Variants in TRMU observed in about 807,000 individuals in gnomAD.
The protein encoded by TRMU is tRNA mitochondrial 2-thiouridylase.
In TRMU, 49 loss-of-function variants were observed where a neutral mutation model predicts 46.9. The observed-to-expected ratio is 1.05, with a 90% CI of 0.83 to 1.33. TRMU has a LOEUF of 1.33. Ranked by LOEUF, TRMU falls within the 40% of genes most tolerant of loss-of-function variation. TRMU has a pLI of 0.00. For synonymous variants in TRMU, 241 were observed against 200.9 expected (o/e 1.20, Z -1.69); for missense variants, 572 against 532.4 (o/e 1.07, Z -0.73).
In TRMU at chr22:46,339,735, A is replaced by G. The variant is rs9626854; in HGVS notation, c.248+1791A>G. Reference sequence around the variant, plus strand: ...TTGACTATGGTCACCTAAATAATCAACGGAAGAGCTTGAATATGAACCCTC... The same window carrying G: ...TTGACTATGGTCACCTAAATAATCAGCGGAAGAGCTTGAATATGAACCCTC... On this transcript the variant is annotated intron_variant, in intron 2 of 10. Transcript: ENST00000645190. The surrounding 1 kb of genome is among the most constrained non-coding windows in gnomAD (Gnocchi z 4.8). Among the ~76,000 whole-genome samples, 1 of 152,216 alleles carries G rather than the reference A, an allele frequency of 6.6e-6. No individual in the cohort carries two copies. The highest frequency in any genetic ancestry group is 6.5e-5 in the Admixed American group (1 of 15,286).
At chr22:46,346,177 A>G (rs538216761) in intron 3 of TRMU, among the ~76,000 whole-genome samples, 3 of 151,928 alleles carry the variant, frequency 2.0e-5, no homozygotes, top group Admixed American at 6.5e-5. Flanking sequence ...AAAGGCTCTT[A>G]AAGGTGCAAT....
rs141335708 is a variant in TRMU, at chr22:46,351,123, G to A, written c.651+660G>A. ...TCAAAAGAAGTCACATGGAACCTGA[G>A]ACCTGAAGGAGGAGAGGATCCGGTG... On this transcript the variant is annotated intron_variant, in intron 5 of 10. Transcript: ENST00000645190. The surrounding 1 kb of genome is among the most constrained non-coding windows in gnomAD (Gnocchi z 6.4). 1.7e-3 allele frequency among the ~76,000 whole-genome samples: 258 copies of A among 152,332 alleles called. No individual in the cohort carries two copies. Among genetic ancestry groups the A allele is most frequent in the African/African-American group, 5.8e-3 (243 of 41,582 alleles).
intron 2 of TRMU, among the ~76,000 whole-genome samples, chr22:46,340,053 G>A (rs112511097): frequency 0.018 from 2,720 of 152,190 alleles, 92 homozygotes; most frequent in African/African-American, 0.063. Context: ...AGGGAGTGTG[G>A]GAGTGGAAGG....
At position 46,349,942 on chromosome 22, in the gene TRMU, A is replaced by C. The variant is rs1236584935; in HGVS notation, c.479-349A>C. The stretch of plus-strand genomic sequence containing the variant: ...GGAATTTTCTGCCAGCAACTAGCTT[A>C]CTCCATTTTCCAAGATTTGGCTGAA... On this transcript the variant is annotated intron_variant, in intron 4 of 10. Coordinates refer to ENST00000645190, the MANE Select transcript of TRMU (RefSeq NM_018006.5). The surrounding 1 kb of genome is among the most constrained non-coding windows in gnomAD (Gnocchi z 4.6). Among the ~76,000 whole-genome samples the C allele has an allele frequency of 6.7e-6, 1 of 148,396 alleles. No individual in the cohort carries two copies. Among genetic ancestry groups the C allele is most frequent in the African/African-American group, 2.5e-5 (1 of 40,044 alleles).
chr22:46,337,596 A>G (rs2078011834), intron 1 of TRMU, among the ~76,000 whole-genome samples, 183 bp from the exon 2 acceptor site: 1 of 152,032 alleles, frequency 6.6e-6, no homozygotes. Context: ...AATCTTGGGG[A>G]CTCAGGCACC....
chr22:46,346,272 G>A, intron 3 of TRMU, 150 bp from the exon 4 acceptor site: 1 of 877,406 alleles, frequency 1.1e-6, no homozygotes, highest in Non-Finnish European at 1.7e-6. Context: ...CTGTTCCCTG[G>A]GATCTCTATG....
chr22:46,337,344 C>CA (rs1317163153), intron 1 of TRMU, among the ~76,000 whole-genome samples: 1 of 152,158 alleles, frequency 6.6e-6, no homozygotes, highest in Non-Finnish European at 1.5e-5. Flanking sequence ...ACAGCTCTTA[C>CA]AAAATATCGA....
chr22:46,352,927 G>A (rs1368601742), intron 7 of TRMU: 4 of 192,576 alleles, frequency 2.1e-5, no homozygotes, highest in Admixed American at 1.6e-4. Flanking sequence ...GGATGTGCCT[G>A]CCGGCGTGAT....
chr22:46,355,860 C>G, intron 9 of TRMU, 130 bp from the exon 10 acceptor site: 1 of 1,133,298 alleles, frequency 8.8e-7, no homozygotes, highest in South Asian at 1.3e-5. Flanking sequence ...AGGGCCCAGG[C>G]TGGTGCCCTG....
intron 3 of TRMU, among the ~76,000 whole-genome samples, chr22:46,344,740 T>C (rs1211961552): frequency 6.6e-6 from 1 of 152,230 alleles, no homozygotes; most frequent in Admixed American, 6.5e-5. Flanking sequence ...TGAGAGGACA[T>C]GACGCCCAGA....
In TRMU at chr22:46,355,569, C is replaced by G. The variant is rs531708138; in HGVS notation, c.999C>G (p.Phe333Leu). 6.2e-7 allele frequency: 1 copy of G among 1,613,368 alleles called. No homozygotes were observed. The highest frequency in any genetic ancestry group is 8.5e-7 in the Non-Finnish European group (1 of 1,180,048). The change falls in exon 9 of 11, where the codon TTC becomes TTG. Residue 333 changes from phenylalanine to leucine, a missense_variant. Phe to Leu is a conservative substitution (Grantham distance 22, BLOSUM62 0). Transcript: ENST00000645190. ...AGATGATGGAGTGCCACTTCCGATT[C>G]CGCCACCAGATGGCACTAGGTGACT... ...RDKMMECHFRFRHQMALVPCV... is the reference protein window; with the variant it reads ...RDKMMECHFRLRHQMALVPCV...
chr22:46,357,080 C>T lies in TRMU; in HGVS notation c.*74C>T. 6 of 1,594,656 alleles carry T rather than the reference C, an allele frequency of 3.8e-6. No homozygotes were observed. In the South Asian group the frequency reaches 5.6e-5, roughly 15 times the overall value. Reference sequence around the variant, plus strand: ...GGCGGCTGGTGAGCAGTCCAGGTGCCCAAGGGCCAGCTTGCTGCTGCCCAA... The same window carrying T: ...GGCGGCTGGTGAGCAGTCCAGGTGCTCAAGGGCCAGCTTGCTGCTGCCCAA... On this transcript the variant is annotated 3_prime_UTR_variant, in exon 11 of 11. Transcript: ENST00000645190.
At chr22:46,344,561 C>T (rs995807580) in intron 3 of TRMU, among the ~76,000 whole-genome samples, 9 of 152,118 alleles carry the variant, frequency 5.9e-5, no homozygotes, top group Admixed American at 2.0e-4. Context: ...GAGGTGGAGG[C>T]GCAGGCAGCT....
chr22:46,352,188 T>G lies in TRMU; in HGVS notation c.705+14T>G. 1 of 1,614,248 alleles carries G rather than the reference T, an allele frequency of 6.2e-7. No individual in the cohort carries two copies. The highest frequency in any genetic ancestry group is 8.5e-7 in the Non-Finnish European group (1 of 1,180,042). On this transcript the variant is annotated intron_variant, in intron 6 of 10. Coordinates refer to ENST00000645190, the MANE Select transcript of TRMU (RefSeq NM_018006.5). ...TTCCTTCTTCAGGTGCGTGCTGCTC[T>G]TTGACACAAAGAGATGGGGCTGCGT... is the stretch of plus-strand genomic sequence containing the variant.
rs1309874498 is a variant in TRMU, at chr22:46,347,087, T to A, written c.478+543T>A. On this transcript the variant is annotated intron_variant, in intron 4 of 10. Transcript: ENST00000645190. This position sits in a 1 kb window ranked among gnomAD's most constrained non-coding sequence, Gnocchi z 5.0. Reference sequence around the variant, plus strand: ...AAAAAGTCAATGGCAGACAGTGAGCTGGGAAGCTGCTGGCCTGTCCTGGTG... The same window carrying A: ...AAAAAGTCAATGGCAGACAGTGAGCAGGGAAGCTGCTGGCCTGTCCTGGTG... Among the ~76,000 whole-genome samples, 2 of 152,234 alleles carry A rather than the reference T, an allele frequency of 1.3e-5. No individual in the cohort carries two copies. Among genetic ancestry groups the A allele is most frequent in the African/African-American group, 2.4e-5 (1 of 41,460 alleles).
In TRMU at chr22:46,352,349, C is replaced by T. The variant is rs367673852; in HGVS notation, c.772+19C>T. On this transcript the variant is annotated intron_variant, in intron 7 of 10. Coordinates refer to ENST00000645190, the MANE Select transcript of TRMU (RefSeq NM_018006.5). ...CATAAAGGTGAGGTGCAGACTCTGCCACTTGTCATCTGAAATGCCTAGAGC... is the reference window on the plus strand; with the variant it reads ...CATAAAGGTGAGGTGCAGACTCTGCTACTTGTCATCTGAAATGCCTAGAGC... 57 of 1,613,410 alleles carry T rather than the reference C, an allele frequency of 3.5e-5. No homozygotes were observed. The highest frequency in any genetic ancestry group is 4.7e-5 in the Non-Finnish European group (56 of 1,179,698).
intron 7 of TRMU, 105 bp from the exon 8 acceptor site, chr22:46,353,662 T>G: frequency 9.8e-7 from 1 of 1,023,192 alleles, no homozygotes; most frequent in Admixed American, 1.7e-5. Context: ...ACACCATTGC[T>G]GGGCCTGCTC....
In TRMU at chr22:46,351,829, C is replaced by T; in HGVS notation, c.652-292C>T. The T allele has an allele frequency of 2.0e-6, 1 of 510,756 alleles. No individual in the cohort carries two copies. Among genetic ancestry groups the T allele is most frequent in the Non-Finnish European group, 3.6e-6 (1 of 280,872 alleles). 31.6% of individuals were successfully genotyped at this position (510,756 alleles called of 1,614,324 possible). ...TCCCCCACTCCTCGCAGGACAGTGGCCTGAAGGACCTGACCGGGTTCTGCT... is the reference window on the plus strand; with the variant it reads ...TCCCCCACTCCTCGCAGGACAGTGGTCTGAAGGACCTGACCGGGTTCTGCT... On this transcript the variant is annotated intron_variant, in intron 5 of 10. Coordinates refer to ENST00000645190, the MANE Select transcript of TRMU (RefSeq NM_018006.5). The surrounding 1 kb of genome is among the most constrained non-coding windows in gnomAD (Gnocchi z 6.4).
At position 46,345,955 on chromosome 22, in the gene TRMU, G is replaced by C. The variant is rs552155883; in HGVS notation, c.356-467G>C. ...GCTAATTTTTGTATTTTTTGTAAAG[G>C]TGGGATTTCACCATGTTGCCCAGGC... On this transcript the variant is annotated intron_variant, in intron 3 of 10. Coordinates refer to ENST00000645190, the MANE Select transcript of TRMU (RefSeq NM_018006.5). Among the ~76,000 whole-genome samples, 5 of 151,838 alleles carry C rather than the reference G, an allele frequency of 3.3e-5. No individual in the cohort carries two copies. In the South Asian group the frequency reaches 1.0e-3, roughly 32 times the overall value.
Sources: allele counts gnomAD v4.1 joint callset (sites outside exome capture counted in the v4.1 genomes callset), GRCh38; gene constraint gnomAD v4.1.1; non-coding constraint Gnocchi (gnomAD v3.1); transcripts MANE v1.5; gene names NCBI Gene and HGNC (gene_info 2026-07-23, HGNC 2026-07-21).